IARS2: variants seen among roughly 807,000 people sequenced by gnomAD.
IARS2 encodes the protein isoleucine--tRNA ligase, mitochondrial.
Under a neutral mutation model 126.3 loss-of-function variants are expected in IARS2, and 56 were observed. The ratio of observed to expected loss-of-function variants is 0.44; its 90% CI spans 0.36 to 0.55. The LOEUF (loss-of-function observed/expected upper bound fraction) is 0.55. IARS2 is among the 20% of genes least tolerant of loss of function. The pLI is 0.00. For missense variants in IARS2, 1,127 were observed against 1,245.9 expected (o/e 0.90, Z 1.44); for synonymous variants, 407 against 441.1 (o/e 0.92, Z 0.97).
intron 12 of IARS2, among the ~76,000 whole-genome samples, chr1:220,119,567 A>G (rs1223850367): frequency 1.3e-5 from 2 of 152,118 alleles, no homozygotes; most frequent in African/African-American, 4.8e-5. Flanking sequence ...AAATTTTTTT[A>G]GGAAACAGAA....
chr1:220,104,237 A>G (rs1490259596), intron 8 of IARS2, among the ~76,000 whole-genome samples: 3 of 152,240 alleles, frequency 2.0e-5, no homozygotes, highest in African/African-American at 7.2e-5. Flanking sequence ...TTGGCCTGCC[A>G]AAGTGCTGGG....
intron 12 of IARS2, 141 bp downstream of exon 12, chr1:220,114,615 A>G (rs1001178370): frequency 9.7e-6 from 6 of 616,294 alleles, no homozygotes; most frequent in Middle Eastern, 4.0e-4. Flanking sequence ...GGACTAAAAT[A>G]TAAGTTCAAA....
At chr1:220,142,473 G>T (rs1320658143) in intron 20 of IARS2, among the ~76,000 whole-genome samples, 3 of 152,168 alleles carry the variant, frequency 2.0e-5, no homozygotes, top group Non-Finnish European at 4.4e-5. Context: ...CTGTACTTCA[G>T]CCTGGGTGAC....
chr1:220,147,941 C>T lies in IARS2; in HGVS notation c.*306C>T, dbSNP rs991009404. ...CATAGATATGTATTCAGCTTGTCTT[C>T]AAATACGGCCAAGCAGAAAATGTTT... On this transcript the variant is annotated 3_prime_UTR_variant, in exon 23 of 23. Transcript: ENST00000366922. 1 of 398,488 alleles carries T rather than the reference C, an allele frequency of 2.5e-6. No homozygotes were observed. Among genetic ancestry groups the T allele is most frequent in the African/African-American group, 2.1e-5 (1 of 48,592 alleles). 24.7% of individuals were successfully genotyped at this position (398,488 alleles called of 1,614,324 possible).
At chr1:220,143,507 G>A (rs995121207) in intron 21 of IARS2, among the ~76,000 whole-genome samples, 1 of 152,088 alleles carries the variant, frequency 6.6e-6, no homozygotes, top group African/African-American at 2.4e-5. Context: ...GTAGGGATAG[G>A]GAAGGAATAG....
Position 220,094,522 on chromosome 1 carries a change from C to G in IARS2, c.267+39C>G, listed in dbSNP as rs1181861422. 2.0e-6 allele frequency: 3 copies of G among 1,495,746 alleles called. No homozygotes were observed. The African/African-American group carries it at 4.3e-5, about 21-fold the overall frequency. The allele number at this position is 1,495,746 out of a possible 1,614,324, so 92.7% of individuals were successfully genotyped here. A position where few individuals can be genotyped will look rare whatever the true frequency, so the allele number is the denominator to read the frequency against. On this transcript the variant is annotated intron_variant, in intron 1 of 22. Transcript: ENST00000366922. ...CTCGGCGCGGGGCCTCCAGAGAGGC[C>G]CGATCCGGCCGCGGGCACCGGGCGC...
At chr1:220,105,483 A>G (rs958775607) in intron 8 of IARS2, among the ~76,000 whole-genome samples, 1 of 152,212 alleles carries the variant, frequency 6.6e-6, no homozygotes, top group Non-Finnish European at 1.5e-5. Context: ...TCACGTAGCT[A>G]CTACTTATTA....
intron 14 of IARS2, among the ~76,000 whole-genome samples, chr1:220,130,592 C>G (rs1302604516): frequency 1.3e-5 from 2 of 152,016 alleles, no homozygotes; most frequent in African/African-American, 2.4e-5. Context: ...GAGTCTCGCT[C>G]TGTCGCCCAG....
chr1:220,134,768 G>GC (rs1476734663), intron 15 of IARS2: 1 of 150,890 alleles, frequency 6.6e-6, no homozygotes, highest in Non-Finnish European at 1.4e-5. Flanking sequence ...TGTTGTTGTT[G>GC]TTTTTTTTTT....
Position 220,145,512 on chromosome 1 carries a change from C to G in IARS2, c.2755C>G (p.Leu919Val). 2 of 1,604,136 alleles carry G rather than the reference C, an allele frequency of 1.2e-6. No individual in the cohort carries two copies. The highest frequency in any genetic ancestry group is 1.7e-6 in the Non-Finnish European group (2 of 1,174,560). Residue 919 changes from leucine to valine, a missense_variant, in exon 22 of 23, where the codon CTG (leucine) becomes GTG (valine). Physicochemically the swap from Leu to Val is conservative, Grantham distance 32. Coordinates refer to ENST00000366922, the MANE Select transcript of IARS2 (RefSeq NM_018060.4). ...PGLLFEIIEM[L>V]QSEETSSTSQ... Reference sequence around the variant, plus strand: ...ACTTTCACATGCTTCCTTCCAGATGCTGCAGTCTGAAGAGACTTCCAGCAC... The same window carrying G: ...ACTTTCACATGCTTCCTTCCAGATGGTGCAGTCTGAAGAGACTTCCAGCAC...
chr1:220,107,060 G>A lies in IARS2; in HGVS notation c.1237-1G>A, dbSNP rs1656696685. On this transcript the variant is annotated splice_acceptor_variant, in intron 9 of 22. Transcript: ENST00000366922. LOFTEE classifies it high-confidence loss of function. ...TAATTGTTCAAAATGATACTTTATA[G>A]GATTGTCTAGTGGACGAAGATGGAG... 6.3e-7 allele frequency: 1 copy of A among 1,586,746 alleles called. No individual in the cohort carries two copies. The highest frequency in any genetic ancestry group is 8.7e-7 in the Non-Finnish European group (1 of 1,155,072).
intron 17 of IARS2, among the ~76,000 whole-genome samples, chr1:220,138,342 G>A (rs756060261): frequency 5.9e-5 from 9 of 152,134 alleles, no homozygotes; most frequent in Non-Finnish European, 1.0e-4. Context: ...ATGGTGGCAT[G>A]CACCTGTAGT....
chr1:220,132,701 T>G (rs1423991934), intron 14 of IARS2, among the ~76,000 whole-genome samples: 1 of 151,714 alleles, frequency 6.6e-6, no homozygotes, highest in Non-Finnish European at 1.5e-5. Flanking sequence ...AATGTTTGCG[T>G]TTTTAGTAGA....
Position 220,102,754 on chromosome 1 carries a change from T to C in IARS2, c.927T>C (p.Ala309=). The C allele has an allele frequency of 6.2e-7, 1 of 1,612,614 alleles. No homozygotes were observed. Among genetic ancestry groups the C allele is most frequent in the Non-Finnish European group, 8.5e-7 (1 of 1,178,630 alleles). The change falls in exon 7 of 23, where the codon GCT becomes GCC. Residue 309 remains alanine, a synonymous_variant. Transcript: ENST00000366922. Reference sequence around the variant, plus strand: ...CTTGGACGATTCCAGCCAATGAAGCTGTTTGCTATATGCCTGAATCAAAGT... The same window carrying C: ...CTTGGACGATTCCAGCCAATGAAGCCGTTTGCTATATGCCTGAATCAAAGT... ...TQPWTIPANE[A]VCYMPESKYA...
At chr1:220,130,544 G>A (rs1298617481) in intron 14 of IARS2, among the ~76,000 whole-genome samples, 1 of 151,976 alleles carries the variant, frequency 6.6e-6, no homozygotes, top group African/African-American at 2.4e-5. Flanking sequence ...TATGGTGAGA[G>A]GTAGGGGTCT....
intron 7 of IARS2, among the ~76,000 whole-genome samples, chr1:220,103,069 T>A (rs1435663054): frequency 6.6e-6 from 1 of 152,016 alleles, no homozygotes; most frequent in African/African-American, 2.4e-5. Flanking sequence ...GACCGAGTTT[T>A]GCCTTTTGTT....
chr1:220,139,284 C>T (rs573367932), intron 18 of IARS2, 145 bp downstream of exon 18: 5 of 521,030 alleles, frequency 9.6e-6, no homozygotes, highest in South Asian at 4.4e-5. Flanking sequence ...GACTTCCCCT[C>T]GGACCAGATT....
At chr1:220,121,568 A>G (rs1657052406) in intron 12 of IARS2, among the ~76,000 whole-genome samples, 1 of 152,152 alleles carries the variant, frequency 6.6e-6, no homozygotes, top group Non-Finnish European at 1.5e-5. Context: ...TTAAAATGTC[A>G]TTGAATTTTC....
intron 8 of IARS2, among the ~76,000 whole-genome samples, chr1:220,105,169 G>T (rs940688141): frequency 2.6e-5 from 4 of 151,852 alleles, no homozygotes; most frequent in African/African-American, 9.7e-5. Flanking sequence ...CAAACTCCTG[G>T]GCTCAAGCAA....
Sources: gnomAD v4.1 joint callset for allele counts (sites outside exome capture counted in the v4.1 genomes callset) on GRCh38, gnomAD v4.1.1 for gene constraint, MANE v1.5 for transcripts, NCBI Gene and HGNC (gene_info 2026-07-23, HGNC 2026-07-21) for gene names.